CYTH1: variants seen among roughly 807,000 people sequenced by gnomAD.
The protein encoded by CYTH1 is cytohesin-1.
In CYTH1, 18 loss-of-function variants were observed where a neutral mutation model predicts 61.8. That is an observed-to-expected ratio of 0.29 (90% confidence interval 0.20 to 0.43). The LOEUF is 0.43. CYTH1 is among the 20% of genes least tolerant of loss of function. CYTH1 has a pLI of 1.00. For missense variants in CYTH1, 336 were observed against 510.5 expected (o/e 0.66, Z 3.29); for synonymous variants, 174 against 184.3 (o/e 0.94, Z 0.45).
Position 78,701,693 on chromosome 17 carries a change from G to A in CYTH1, c.415C>T (p.Leu139Phe). The A allele has an allele frequency of 6.2e-7, 1 of 1,614,224 alleles. No individual in the cohort carries two copies. The highest frequency in any genetic ancestry group is 8.5e-7 in the Non-Finnish European group (1 of 1,180,048). ...AFVELHEFTD[L>F]NLVQALRQFL... ...CACCGTAGTGCCTGGACGAGATTAA[G>A]ATCAGTGAACTCATGCAGCTCCACA... is the stretch of plus-strand genomic sequence containing the variant. Residue 139 changes from leucine to phenylalanine, a missense_variant, in exon 6 of 14, where the codon CTT becomes TTT. By Grantham distance (22) the Leu-to-Phe change is conservative (BLOSUM62 0). Transcript: ENST00000446868.
intron 1 of CYTH1, among the ~76,000 whole-genome samples, chr17:78,767,326 T>A (rs2093452860): frequency 6.6e-6 from 1 of 152,150 alleles, no homozygotes; most frequent in African/African-American, 2.4e-5. Flanking sequence ...CCATTTTTTT[T>A]AAAGTACATC....
intron 1 of CYTH1, among the ~76,000 whole-genome samples, chr17:78,722,865 C>T (rs182848038): frequency 2.0e-5 from 3 of 152,290 alleles, no homozygotes; most frequent in Admixed American, 2.0e-4. Context: ...AGAAACTCCA[C>T]GGGTGGCAGG....
chr17:78,744,680 G>A (rs907789743), intron 1 of CYTH1, among the ~76,000 whole-genome samples: 1 of 152,144 alleles, frequency 6.6e-6, no homozygotes, highest in African/African-American at 2.4e-5. Context: ...TATGTAATGT[G>A]TCAACAAGAA....
At chr17:78,695,794 T>C (rs578159631) in intron 10 of CYTH1, among the ~76,000 whole-genome samples, 1 of 152,338 alleles carries the variant, frequency 6.6e-6, no homozygotes, top group East Asian at 1.9e-4. Context: ...CAGTAATGAA[T>C]ATAACATATA....
chr17:78,737,874 T>TGC lies in CYTH1; in HGVS notation c.23-28143_23-28142insGC, dbSNP rs1555612370. Among the ~76,000 whole-genome samples, 16 of 149,976 alleles carry TGC rather than the reference T, an allele frequency of 1.1e-4. 2 individuals are homozygous for TGC. The highest frequency in any genetic ancestry group is 1.5e-5 in the Non-Finnish European group (1 of 67,490). ...ATATATTCTCTCTCTCTTCTATAGA[T>TGC]ACACACACACACACACACACACACA... On this transcript the variant is annotated intron_variant, in intron 1 of 13. Coordinates refer to ENST00000446868, the MANE Select transcript of CYTH1 (RefSeq NM_004762.6).
At chr17:78,736,401 T>TCTCGCTCTTTCTCTCTCTCTC (rs2045716627) in intron 1 of CYTH1, among the ~76,000 whole-genome samples, 2 of 151,644 alleles carry the variant, frequency 1.3e-5, no homozygotes, top group South Asian at 4.2e-4. Flanking sequence ...CTCTCTCTCT[T>TCTCGCTCTTTCTCTCTCTCTC]CTCGCTCTTT....
chr17:78,729,666 C>T (rs1362032298), intron 1 of CYTH1, among the ~76,000 whole-genome samples: 1 of 152,140 alleles, frequency 6.6e-6, no homozygotes. Flanking sequence ...ATATGCTCCC[C>T]AAATTCCAAA....
chr17:78,741,104 T>C (rs148642195), intron 1 of CYTH1, among the ~76,000 whole-genome samples: 3 of 152,304 alleles, frequency 2.0e-5, no homozygotes, highest in Non-Finnish European at 2.9e-5. Flanking sequence ...AAGCACACAT[T>C]AGGCCATTTT....
At chr17:78,731,640 C>G (rs1013195169) in intron 1 of CYTH1, among the ~76,000 whole-genome samples, 3 of 151,690 alleles carry the variant, frequency 2.0e-5, no homozygotes, top group African/African-American at 7.3e-5. Context: ...CGCCTGTAGT[C>G]CCAGCTACTT....
chr17:78,698,796 T>G, intron 8 of CYTH1, 24 bp downstream of exon 8: 1 of 1,549,718 alleles, frequency 6.5e-7, no homozygotes, highest in Non-Finnish European at 8.6e-7. Flanking sequence ...TTGACTTGAA[T>G]GAAGACCATT....
chr17:78,751,133 G>A (rs1224926218), intron 1 of CYTH1, among the ~76,000 whole-genome samples: 1 of 152,046 alleles, frequency 6.6e-6, no homozygotes, highest in African/African-American at 2.4e-5. Flanking sequence ...ATGGGCGCAT[G>A]GCGGGGGGAC....
At chr17:78,684,190 G>T (rs538217546) in intron 11 of CYTH1, among the ~76,000 whole-genome samples, 2 of 152,306 alleles carry the variant, frequency 1.3e-5, no homozygotes, top group South Asian at 4.1e-4. Context: ...ATCCTGCAGA[G>T]CGTGGCCCTC....
intron 1 of CYTH1, among the ~76,000 whole-genome samples, chr17:78,711,155 G>C (rs934664299): frequency 6.6e-6 from 1 of 151,610 alleles, no homozygotes; most frequent in African/African-American, 2.4e-5. Flanking sequence ...CCAGCTACTC[G>C]GGAGGCTGAG....
At chr17:78,680,122 G>C (rs1396830018) in intron 13 of CYTH1, 68 bp downstream of exon 13, 1 of 1,582,948 alleles carries the variant, frequency 6.3e-7, no homozygotes, top group African/African-American at 1.3e-5. Context: ...TAACCACTAA[G>C]ATGATCAACA....
intron 11 of CYTH1, among the ~76,000 whole-genome samples, chr17:78,687,990 G>A (rs1041201549): frequency 6.6e-6 from 1 of 152,188 alleles, no homozygotes; most frequent in Non-Finnish European, 1.5e-5. Flanking sequence ...TCCTCCGAGG[G>A]CTGCATGAAC....
chr17:78,749,478 A>T (rs1212391857), intron 1 of CYTH1, among the ~76,000 whole-genome samples: 6 of 151,964 alleles, frequency 3.9e-5, no homozygotes, highest in Non-Finnish European at 5.9e-5. Context: ...AAAAAAATTT[A>T]AAAATTAGCC....
intron 13 of CYTH1, chr17:78,677,104 G>A (rs2092708352): frequency 1.1e-5 from 5 of 455,700 alleles, no homozygotes; most frequent in South Asian, 7.7e-5. Context: ...GCTCCCCGGG[G>A]AATGCTAGGA....
In CYTH1 at chr17:78,717,233, G is replaced by A. The variant is rs2144503901; in HGVS notation, c.23-7501C>T. On this transcript the variant is annotated intron_variant, in intron 1 of 13. Transcript: ENST00000446868. The surrounding 1 kb of genome is among the most constrained non-coding windows in gnomAD (Gnocchi z 4.4). ...CTGAGCACAATGGAGACAAACCAGA[G>A]GGGGAGCCGCCCTGACACACCACCC... Among the ~76,000 whole-genome samples, 1 of 152,298 alleles carries A rather than the reference G, an allele frequency of 6.6e-6. No homozygotes were observed. The highest frequency in any genetic ancestry group is 3.4e-3 in the Middle Eastern group (1 of 294).
At position 78,757,903 on chromosome 17, in the gene CYTH1, C is replaced by T. The variant is rs1598914098; in HGVS notation, c.22+24299G>A. ...CTCCAGCATGGGTGACAGAGCAAGA[C>T]TCTGCCTCAAAAAAAAAAATTCAAA... On this transcript the variant is annotated intron_variant, in intron 1 of 13. Transcript: ENST00000446868. Among the ~76,000 whole-genome samples, 12 of 151,500 alleles carry T rather than the reference C, an allele frequency of 7.9e-5. 4 individuals carry two copies. The highest frequency in any genetic ancestry group is 6.6e-5 in the Admixed American group (1 of 15,208).
Sources: gnomAD v4.1 joint callset for allele counts (sites outside exome capture counted in the v4.1 genomes callset) on GRCh38, gnomAD v4.1.1 for gene constraint, Gnocchi (gnomAD v3.1) non-coding constraint, MANE v1.5 for transcripts, NCBI Gene and HGNC (gene_info 2026-07-23, HGNC 2026-07-21) for gene names.